Variants in FAAH2 observed in about 807,000 individuals in gnomAD.
FAAH2 encodes the protein fatty-acid amide hydrolase 2.
Under a neutral mutation model 36.9 loss-of-function variants are expected in FAAH2, and 60 were observed. That is an observed-to-expected ratio of 1.63 (90% CI 1.32 to 2.02). The LOEUF is 2.02. FAAH2 is among the 30% of genes most tolerant of loss of function. FAAH2 has a pLI of 0.00. For synonymous variants in FAAH2, 214 were observed against 143.8 expected, an observed-to-expected ratio of 1.49 and a Z score of -3.49; for missense variants, 689 against 397.5, an observed-to-expected ratio of 1.73 and a Z score of -6.23.
At chrX:57,268,354 A>C in the FAAH2 span, among the ~76,000 whole-genome samples, 1 of 111,805 alleles carries the variant, frequency 8.9e-6, no homozygotes, top group East Asian at 2.8e-4. Context: ...AGATTATGTA[A>C]AGAGACCAAA....
chrX:57,176,602 A>G, the FAAH2 span, among the ~76,000 whole-genome samples: 76 of 111,584 alleles, frequency 6.8e-4, 1 homozygote, highest in African/African-American at 1.9e-3. Flanking sequence ...CTTGGATCCA[A>G]TGCTGGAGAG....
chrX:57,470,290 A>G (rs1319451903), intron 10 of FAAH2, among the ~76,000 whole-genome samples: 1 of 111,777 alleles, frequency 8.9e-6, no homozygotes, highest in East Asian at 2.8e-4. Flanking sequence ...AAAACCCTTC[A>G]AAATATCAAC....
intron 3 of FAAH2, 126 bp from the exon 4 acceptor site, chrX:57,331,472 C>CA: frequency 3.8e-6 from 2 of 523,513 alleles, no homozygotes; most frequent in Non-Finnish European, 6.2e-6. Flanking sequence ...CCAGTCTTTC[C>CA]AATGCCCCAA....
the FAAH2 span, among the ~76,000 whole-genome samples, chrX:57,182,257 A>G: frequency 2.7e-4 from 30 of 112,382 alleles, no homozygotes; most frequent in African/African-American, 9.4e-4. Context: ...GAGCTTTTCC[A>G]CAGAAAAATA....
At chrX:57,129,182 T>A in the FAAH2 span, among the ~76,000 whole-genome samples, 2 of 111,874 alleles carry the variant, frequency 1.8e-5, no homozygotes, top group African/African-American at 6.5e-5. Flanking sequence ...TTCTTCATTC[T>A]TATTTCATTA....
chrX:57,148,886 G>A, the FAAH2 span, among the ~76,000 whole-genome samples: 31,711 of 110,615 alleles, frequency 0.29, 3,511 homozygotes, highest in Middle Eastern at 0.57. Flanking sequence ...GTATGATACT[G>A]GCTGTGGGTT....
chrX:57,416,396 C>T (rs1478213058), intron 7 of FAAH2, among the ~76,000 whole-genome samples: 1 of 110,025 alleles, frequency 9.1e-6, no homozygotes, highest in Non-Finnish European at 1.9e-5. Flanking sequence ...TTAGTGCTTT[C>T]TTCAGGAGCT....
At chrX:57,467,886 C>A (rs931806408) in intron 10 of FAAH2, among the ~76,000 whole-genome samples, 1 of 111,648 alleles carries the variant, frequency 9.0e-6, no homozygotes, top group African/African-American at 3.2e-5. Flanking sequence ...GCTGGGTACC[C>A]CTCTGAGATG....
At chrX:57,169,274 G>A in the FAAH2 span, among the ~76,000 whole-genome samples, 1 of 105,067 alleles carries the variant, frequency 9.5e-6, no homozygotes, top group Non-Finnish European at 2.0e-5. Flanking sequence ...TTCAACATAC[G>A]ATTTTTGAGG....
intron 4 of FAAH2, among the ~76,000 whole-genome samples, chrX:57,333,724 A>T (rs2053469123): frequency 8.9e-6 from 1 of 111,974 alleles, no homozygotes; most frequent in Admixed American, 9.5e-5. Context: ...CTGAAATGCA[A>T]AGAGGAAGAA....
the FAAH2 span, among the ~76,000 whole-genome samples, chrX:57,227,603 G>A: frequency 9.0e-6 from 1 of 111,599 alleles, no homozygotes; most frequent in South Asian, 3.8e-4. Flanking sequence ...TGGTATAATG[G>A]CCTATTTTTG....
intron 7 of FAAH2, among the ~76,000 whole-genome samples, chrX:57,414,072 CTT>C (rs1212172443): frequency 8.9e-6 from 1 of 112,189 alleles, no homozygotes; most frequent in Non-Finnish European, 1.9e-5. Context: ...TATCCTGAGA[CTT>C]TGCTGAAGTT....
At chrX:57,404,612 C>T (rs1346802269) in intron 7 of FAAH2, among the ~76,000 whole-genome samples, 1 of 111,622 alleles carries the variant, frequency 9.0e-6, no homozygotes, top group Non-Finnish European at 1.9e-5. Flanking sequence ...GGTTCATAGC[C>T]TAGGGGCCTA....
chrX:57,416,343 A>AT (rs372474151), intron 7 of FAAH2, among the ~76,000 whole-genome samples: 27 of 108,700 alleles, frequency 2.5e-4, no homozygotes, highest in South Asian at 7.9e-4. Flanking sequence ...ACAATTTTGT[A>AT]TTTTTTTTTG....
upstream of FAAH2, among the ~76,000 whole-genome samples, chrX:57,283,313 C>T (rs1327531640): frequency 1.8e-5 from 2 of 111,313 alleles, no homozygotes; most frequent in South Asian, 3.8e-4. Context: ...GTCACTGCTA[C>T]TGGGGATGTT....
chrX:57,379,010 T>A (rs1182195411), intron 6 of FAAH2, among the ~76,000 whole-genome samples: 1 of 111,718 alleles, frequency 9.0e-6, no homozygotes, highest in Non-Finnish European at 1.9e-5. Context: ...GAGGCCTTAT[T>A]TTTGGGAAGG....
At chrX:57,411,553 T>C (rs1271186494) in intron 7 of FAAH2, among the ~76,000 whole-genome samples, 1 of 111,600 alleles carries the variant, frequency 9.0e-6, no homozygotes, top group Non-Finnish European at 1.9e-5. Flanking sequence ...TATTGTGTAT[T>C]GCATGCTGGC....
intron 2 of FAAH2, among the ~76,000 whole-genome samples, chrX:57,309,840 T>A (rs1299743441): frequency 1.8e-5 from 2 of 111,937 alleles, no homozygotes; most frequent in East Asian, 5.6e-4. Flanking sequence ...TGATGAGAAT[T>A]TGGGTGGATT....
chrX:57,149,112 T>G, the FAAH2 span, among the ~76,000 whole-genome samples: 1 of 111,855 alleles, frequency 8.9e-6, no homozygotes, highest in African/African-American at 3.3e-5. Context: ...GAAGCCCACT[T>G]GATCATGGTG....
Sources: allele counts gnomAD v4.1 joint callset (sites outside exome capture counted in the v4.1 genomes callset), GRCh38; gene constraint gnomAD v4.1.1; transcripts MANE v1.5; gene names NCBI Gene and HGNC (gene_info 2026-07-23, HGNC 2026-07-21).